The following POLR3E variants were observed in gnomAD, a reference collection of about 807,000 sequenced individuals.
The protein encoded by POLR3E is RNA polymerase III subunit E, also known as DNA-directed RNA polymerase III subunit RPC5.
POLR3E carries 41 observed loss-of-function variants against 96.6 expected under a neutral mutation model. The observed-to-expected ratio is 0.42, with a 90% CI of 0.33 to 0.55. The LOEUF (loss-of-function observed/expected upper bound fraction) is 0.55, where lower values mean the gene tolerates loss of function less well. Ranked by LOEUF, POLR3E falls within the 20% of genes least tolerant of loss-of-function variation. The pLI is 0.06. For synonymous variants in POLR3E, 396 were observed against 383.6 expected, an observed-to-expected ratio of 1.03 and a Z score of -0.38; for missense variants, 849 against 952.1, an observed-to-expected ratio of 0.89 and a Z score of 1.43.
Position 22,328,535 on chromosome 16 carries a change from C to G in POLR3E, c.1892C>G (p.Pro631Arg), listed in dbSNP as rs767206740. ...VPFPPQTAAS[P>R]DEQKVFALWE... Reference sequence around the variant, plus strand: ...TTTCCCCCCCAGACTGCTGCTTCCCCGGATGAGCAGAAGGTGTTTGCCCTC... The same window carrying G: ...TTTCCCCCCCAGACTGCTGCTTCCCGGGATGAGCAGAAGGTGTTTGCCCTC... The change falls in exon 19 of 21, where the codon CCG becomes CGG. Residue 631 changes from proline (P) to arginine (R), a missense_variant. Pro to Arg is a moderately radical substitution (Grantham distance 103, BLOSUM62 -2). Coordinates refer to ENST00000299853, the MANE Select transcript of POLR3E (RefSeq NM_018119.4). The G allele has an allele frequency of 1.9e-6, 3 of 1,613,938 alleles. No homozygotes were observed. The highest frequency in any genetic ancestry group is 2.7e-5 in the African/African-American group (2 of 74,914).
At chr16:22,328,644 T>C in intron 19 of POLR3E, 57 bp downstream of exon 19, 1 of 1,436,880 alleles carries the variant, frequency 7.0e-7, no homozygotes, top group Non-Finnish European at 9.8e-7. Context: ...CCTGCAGCGT[T>C]GGAGGCCTTG....
At chr16:22,300,360 G>A (rs1188184320) in intron 1 of POLR3E, among the ~76,000 whole-genome samples, 1 of 152,216 alleles carries the variant, frequency 6.6e-6, no homozygotes, top group Non-Finnish European at 1.5e-5. Flanking sequence ...CGGCCTGGAG[G>A]ATGAAGGGAG....
Position 22,316,678 on chromosome 16 carries a change from G to A in POLR3E, c.720G>A (p.Lys240=), listed in dbSNP as rs1243213656. The A allele has an allele frequency of 2.5e-6, 4 of 1,613,756 alleles. No homozygotes were observed. Among genetic ancestry groups the A allele is most frequent in the East Asian group, 2.2e-5 (1 of 44,880 alleles). ...GGGTGGAGAACACGGAGCTCGTCAA[G>A]TCACCCAGGTGGGATGGGCTGGGCC... ...SSGVENTELV[K]SPSEYLMMLM... The change falls in exon 10 of 21, where the codon AAG becomes AAA. Residue 240 remains lysine, a synonymous_variant. Coordinates refer to ENST00000299853, the MANE Select transcript of POLR3E (RefSeq NM_018119.4).
In POLR3E at chr16:22,304,760, G is replaced by A. The variant is rs56044394; in HGVS notation, c.37-396G>A. ...TAAGAAGGGGTGACAGGCTGGTCCA[G>A]GAGGGGCAGGTGGAGGGCCCAGCCA... On this transcript the variant is annotated intron_variant, in intron 2 of 20. Coordinates refer to ENST00000299853, the MANE Select transcript of POLR3E (RefSeq NM_018119.4). Among the ~76,000 whole-genome samples the A allele has an allele frequency of 5.7e-3, 874 of 152,320 alleles. 14 individuals are homozygous for A. The highest frequency in any genetic ancestry group is 0.02 in the African/African-American group (842 of 41,564).
At chr16:22,311,177 C>T (rs1270455208) in intron 6 of POLR3E, among the ~76,000 whole-genome samples, 1 of 151,456 alleles carries the variant, frequency 6.6e-6, no homozygotes, top group Non-Finnish European at 1.5e-5. Flanking sequence ...CCATGTTGGC[C>T]AGGCTGGTCT....
chr16:22,297,582 C>G (rs1238814051), intron 1 of POLR3E, 45 bp downstream of exon 1: 1 of 152,496 alleles, frequency 6.6e-6, no homozygotes, highest in Non-Finnish European at 1.5e-5. Context: ...TTGAGCCGGA[C>G]CGCACTCACG....
intron 6 of POLR3E, 64 bp downstream of exon 6, chr16:22,309,574 A>T: frequency 8.8e-7 from 1 of 1,138,642 alleles, no homozygotes; most frequent in South Asian, 1.2e-5. Flanking sequence ...CAGGGAGAGT[A>T]CCTCCCCAGC....
At chr16:22,330,958 T>A (rs1306488600) in intron 19 of POLR3E, among the ~76,000 whole-genome samples, 2 of 145,382 alleles carry the variant, frequency 1.4e-5, no homozygotes, top group African/African-American at 4.9e-5. Context: ...AAAATTCTAG[T>A]CCTAGACAAA....
intron 2 of POLR3E, among the ~76,000 whole-genome samples, chr16:22,303,714 C>T (rs1441050028): frequency 5.4e-5 from 8 of 147,516 alleles, no homozygotes; most frequent in African/African-American, 1.6e-4. Flanking sequence ...CATCTCGGCT[C>T]ACTGCAACCT....
chr16:22,315,092 C>T lies in POLR3E; in HGVS notation c.526C>T (p.Arg176Trp), dbSNP rs751138626. 1.2e-6 allele frequency: 2 copies of T among 1,613,032 alleles called. No individual in the cohort carries two copies. Among genetic ancestry groups the T allele is most frequent in the South Asian group, 1.1e-5 (1 of 90,932 alleles). Reference sequence around the variant, plus strand: ...CCTCTTCCCCTTCCCACCGCAGGTGCGGTTCTCCCGGCCGGAGTCAGAGCA... The same window carrying T: ...CCTCTTCCCCTTCCCACCGCAGGTGTGGTTCTCCCGGCCGGAGTCAGAGCA... Reference protein sequence around the residue: ...AEDDVKQITVRFSRPESEQAR... With the variant: ...AEDDVKQITVWFSRPESEQAR... Residue 176 changes from arginine (R) to tryptophan (W), a missense_variant, in exon 9 of 21, where the codon CGG becomes TGG. Physicochemically the swap from Arg to Trp is moderately radical, Grantham distance 101. Coordinates refer to ENST00000299853, the MANE Select transcript of POLR3E (RefSeq NM_018119.4).
In POLR3E at chr16:22,313,109, A is replaced by G. The variant is rs1033423619; in HGVS notation, c.365-511A>G. ...TTATCAGAGGCCATGTGGACACTCC[A>G]CCCAGTTCTAGCAGGGCCTCTTCTC... is the stretch of plus-strand genomic sequence containing the variant. On this transcript the variant is annotated intron_variant, in intron 6 of 20. Transcript: ENST00000299853. The surrounding 1 kb of genome is among the most constrained non-coding windows in gnomAD (Gnocchi z 4.1). Among the ~76,000 whole-genome samples, 17 of 152,122 alleles carry G rather than the reference A, an allele frequency of 1.1e-4. No homozygotes were observed. The highest frequency in any genetic ancestry group is 1.0e-3 in the Admixed American group (16 of 15,272).
chr16:22,328,760 T>C, intron 19 of POLR3E, 173 bp downstream of exon 19: 1 of 610,810 alleles, frequency 1.6e-6, no homozygotes, highest in Non-Finnish European at 3.0e-6. Flanking sequence ...AAGCTGTATG[T>C]GCCAATAGTT....
chr16:22,334,657 A>G lies in POLR3E; in HGVS notation c.*957A>G, dbSNP rs1220102301. 3 of 152,234 alleles carry G rather than the reference A, an allele frequency of 2.0e-5. No individual in the cohort carries two copies. Among genetic ancestry groups the G allele is most frequent in the Non-Finnish European group, 4.4e-5 (3 of 68,042 alleles). The allele number at this position is 152,234 out of a possible 1,614,324, so 9.4% of individuals were successfully genotyped here. On this transcript the variant is annotated 3_prime_UTR_variant, in exon 21 of 21. Coordinates refer to ENST00000299853, the MANE Select transcript of POLR3E (RefSeq NM_018119.4). ...TTATTTAGCTCAAAATATCTAAAACATCAACATAAGGTAAAAGTCTTCAAA... is the reference window on the plus strand; with the variant it reads ...TTATTTAGCTCAAAATATCTAAAACGTCAACATAAGGTAAAAGTCTTCAAA...
At chr16:22,301,762 C>A (rs1486009009) in intron 1 of POLR3E, among the ~76,000 whole-genome samples, 1 of 151,262 alleles carries the variant, frequency 6.6e-6, no homozygotes, top group Non-Finnish European at 1.5e-5. Flanking sequence ...CCTGTCTCTA[C>A]TAAAAATAGA....
chr16:22,301,885 G>A (rs556724253), intron 1 of POLR3E, among the ~76,000 whole-genome samples: 1 of 149,576 alleles, frequency 6.7e-6, no homozygotes, highest in African/African-American at 2.5e-5. Flanking sequence ...TCGTACCACC[G>A]CACTCCAGCC....
intron 19 of POLR3E, among the ~76,000 whole-genome samples, chr16:22,330,563 T>A (rs1223965736): frequency 1.3e-5 from 2 of 152,196 alleles, no homozygotes; most frequent in Admixed American, 6.5e-5. Context: ...GATACTTTGC[T>A]TAATTAAGCC....
rs1333857137 is a variant in POLR3E, at chr16:22,322,238, C to T, written c.987-612C>T. On this transcript the variant is annotated intron_variant, in intron 13 of 20. Coordinates refer to ENST00000299853, the MANE Select transcript of POLR3E (RefSeq NM_018119.4). This position sits in a 1 kb window ranked among gnomAD's most constrained non-coding sequence, Gnocchi z 5.2. ...GACAGTCAGAGCACAGGTGCCGCAGCAGGGGCTGAGCCGGGGTTGCAGGGC... is the reference window on the plus strand; with the variant it reads ...GACAGTCAGAGCACAGGTGCCGCAGTAGGGGCTGAGCCGGGGTTGCAGGGC... Among the ~76,000 whole-genome samples the T allele has an allele frequency of 1.3e-5, 2 of 152,166 alleles. No individual in the cohort carries two copies. The highest frequency in any genetic ancestry group is 2.9e-5 in the Non-Finnish European group (2 of 68,008).
intron 12 of POLR3E, among the ~76,000 whole-genome samples, chr16:22,317,590 A>T (rs1160503061): frequency 6.6e-6 from 1 of 151,476 alleles, no homozygotes; most frequent in Non-Finnish European, 1.5e-5. Flanking sequence ...CAGAGAGAGG[A>T]GGCTTCTAAA....
intron 7 of POLR3E, 44 bp from the exon 8 acceptor site, chr16:22,314,035 G>A (rs779667621): frequency 2.5e-6 from 4 of 1,569,038 alleles, no homozygotes; most frequent in Non-Finnish European, 2.6e-6. Flanking sequence ...GAAGGGAGGT[G>A]GAGGCTCCCC....
Sources: allele counts gnomAD v4.1 joint callset (sites outside exome capture counted in the v4.1 genomes callset), GRCh38; gene constraint gnomAD v4.1.1; non-coding constraint Gnocchi (gnomAD v3.1); transcripts MANE v1.5; gene names NCBI Gene and HGNC (gene_info 2026-07-23, HGNC 2026-07-21).